The following SNX29 variants were observed in gnomAD, a reference collection of about 807,000 sequenced individuals.
SNX29 encodes the protein sorting nexin-29.
In SNX29, 78 loss-of-function variants were observed where a neutral mutation model predicts 102.1. That is an observed-to-expected ratio of 0.76 (90% CI 0.64 to 0.92). The LOEUF (loss-of-function observed/expected upper bound fraction) is 0.92. SNX29 is among the 40% of genes least tolerant of loss of function. The pLI is 0.00. For synonymous variants in SNX29, 580 were observed against 414.5 expected, an observed-to-expected ratio of 1.40 and a Z score of -4.85; for missense variants, 1,280 against 1,061.7, an observed-to-expected ratio of 1.21 and a Z score of -2.86.
chr16:12,125,775 T>G (rs978672554), intron 11 of SNX29, among the ~76,000 whole-genome samples: 1 of 152,052 alleles, frequency 6.6e-6, no homozygotes, highest in Non-Finnish European at 1.5e-5. Context: ...TTAAGGCTAC[T>G]TGAGGCAGTA....
At chr16:12,031,183 G>A (rs113530536) in intron 4 of SNX29, among the ~76,000 whole-genome samples, 1 of 151,742 alleles carries the variant, frequency 6.6e-6, no homozygotes, top group East Asian at 1.9e-4. Flanking sequence ...GGTGATTCTC[G>A]TGTCTTGGCC....
chr16:12,568,954 C>A lies in SNX29; in HGVS notation c.*325C>A, dbSNP rs902396496. The A allele has an allele frequency of 1.8e-5, 7 of 387,556 alleles. No homozygotes were observed. Among genetic ancestry groups the A allele is most frequent in the African/African-American group, 1.0e-4 (5 of 49,408 alleles). 24.0% of individuals were successfully genotyped at this position (387,556 alleles called of 1,614,324 possible). On this transcript the variant is annotated 3_prime_UTR_variant, in exon 21 of 21. Transcript: ENST00000566228. ...GCTGGCAGGAGGGTGGGCACCAGGT[C>A]AGGCTGGGTGCGCCATGGTTGAGAG...
chr16:12,033,618 T>C (rs1273668931), intron 4 of SNX29, among the ~76,000 whole-genome samples: 1 of 151,602 alleles, frequency 6.6e-6, no homozygotes, highest in Non-Finnish European at 1.5e-5. Flanking sequence ...TTCTTTTTTT[T>C]TTTTTTTGAG....
At position 12,571,795 on chromosome 16, in the gene SNX29, A is replaced by G. The variant is rs1050473479; in HGVS notation, c.*3166A>G. The G allele has an allele frequency of 2.0e-6, 2 of 1,012,526 alleles. No individual in the cohort carries two copies. The highest frequency in any genetic ancestry group is 2.4e-6 in the Non-Finnish European group (2 of 832,498). 62.7% of individuals were successfully genotyped at this position (1,012,526 alleles called of 1,614,324 possible). A position where few individuals can be genotyped will look rare whatever the true frequency, so the allele number is the denominator to read the frequency against. Reference sequence around the variant, plus strand: ...GAACCTTCTCCGCCACTCTTCCTGCAATCAGTGTGAAATTCCAGCTTCTTT... The same window carrying G: ...GAACCTTCTCCGCCACTCTTCCTGCGATCAGTGTGAAATTCCAGCTTCTTT... On this transcript the variant is annotated 3_prime_UTR_variant, in exon 21 of 21. Transcript: ENST00000566228.
At chr16:12,156,042 CTT>C (rs1173030674) in intron 13 of SNX29, among the ~76,000 whole-genome samples, 3 of 152,246 alleles carry the variant, frequency 2.0e-5, no homozygotes, top group Non-Finnish European at 4.4e-5. Context: ...ATATTGGTCT[CTT>C]TGCTGTTCCT....
At chr16:12,143,250 G>C (rs1567245307) in intron 13 of SNX29, among the ~76,000 whole-genome samples, 1 of 152,084 alleles carries the variant, frequency 6.6e-6, no homozygotes, top group Non-Finnish European at 1.5e-5. Context: ...GTCCACCTCG[G>C]CCTCCCAAAG....
chr16:12,212,547 A>G (rs1226996057), intron 14 of SNX29, among the ~76,000 whole-genome samples: 1 of 152,212 alleles, frequency 6.6e-6, no homozygotes, highest in Non-Finnish European at 1.5e-5. Context: ...AGCTCACGGA[A>G]TAAGTTGCCA....
chr16:12,510,651 C>T (rs968272666), intron 19 of SNX29, among the ~76,000 whole-genome samples: 5 of 151,646 alleles, frequency 3.3e-5, no homozygotes, highest in South Asian at 2.1e-4. Flanking sequence ...CCAGCCTGGG[C>T]GACAGAGTGA....
chr16:12,001,502 A>G (rs2056286655), intron 2 of SNX29, among the ~76,000 whole-genome samples: 1 of 152,140 alleles, frequency 6.6e-6, no homozygotes, highest in African/African-American at 2.4e-5. Context: ...TCAAAAATAA[A>G]CTTTATTGAT....
At chr16:12,436,728 A>C (rs187583634) in intron 18 of SNX29, among the ~76,000 whole-genome samples, 106 of 152,344 alleles carry the variant, frequency 7.0e-4, no homozygotes, top group African/African-American at 2.4e-3. Context: ...ACAGTGGCTC[A>C]CTGCAACCTC....
intron 20 of SNX29, chr16:12,561,261 A>G (rs2078708561): frequency 4.3e-6 from 1 of 230,026 alleles, no homozygotes; most frequent in Non-Finnish European, 8.6e-6. Context: ...CACTCCACAG[A>G]TCCAAGGGGC....
At chr16:12,495,533 G>A (rs1387279638) in intron 19 of SNX29, among the ~76,000 whole-genome samples, 1 of 152,090 alleles carries the variant, frequency 6.6e-6, no homozygotes, top group African/African-American at 2.4e-5. Flanking sequence ...TTCTTTCTTT[G>A]CCCCTTATTT....
At chr16:12,374,004 C>A (rs536973505) in intron 16 of SNX29, 9 of 152,328 alleles carry the variant, frequency 5.9e-5, no homozygotes, top group Admixed American at 2.6e-4. Context: ...TCAGCAGTGG[C>A]TGTTGGAATA....
intron 15 of SNX29, among the ~76,000 whole-genome samples, chr16:12,329,295 A>AAAAAG (rs1555512152): frequency 6.7e-6 from 1 of 148,340 alleles, no homozygotes. Context: ...AAAAAAAAAA[A>AAAAAG]GTGAAAAAAT....
intron 13 of SNX29, among the ~76,000 whole-genome samples, chr16:12,179,422 C>T (rs966191211): frequency 2.6e-5 from 4 of 152,230 alleles, no homozygotes; most frequent in African/African-American, 9.6e-5. Flanking sequence ...GAGTTGGAGG[C>T]TGAATGAGCC....
chr16:12,280,762 G>A lies in SNX29; in HGVS notation c.1782+2726G>A, dbSNP rs369332255. Among the ~76,000 whole-genome samples, 10 of 152,272 alleles carry A rather than the reference G, an allele frequency of 6.6e-5. No individual in the cohort carries two copies. In the South Asian group the frequency reaches 8.3e-4, roughly 13 times the overall value. On this transcript the variant is annotated intron_variant, in intron 15 of 20. Transcript: ENST00000566228. ...AATCGAGACCCTCAGAACGTTCTTT[G>A]TGATGCTTCTGTCATTCTGTTAATG...
At chr16:12,063,836 G>C (rs569512319) in intron 9 of SNX29, among the ~76,000 whole-genome samples, 1 of 151,656 alleles carries the variant, frequency 6.6e-6, no homozygotes, top group African/African-American at 2.4e-5. Flanking sequence ...CATGTTTGCA[G>C]GCCAGGCCAC....
At chr16:12,428,469 A>T (rs2085173937) in intron 18 of SNX29, among the ~76,000 whole-genome samples, 1 of 152,224 alleles carries the variant, frequency 6.6e-6, no homozygotes, top group African/African-American at 2.4e-5. Context: ...AAAATTCAGA[A>T]AATAAAGTTA....
At chr16:12,163,922 A>C (rs2055901195) in intron 13 of SNX29, among the ~76,000 whole-genome samples, 1 of 152,112 alleles carries the variant, frequency 6.6e-6, no homozygotes, top group Non-Finnish European at 1.5e-5. Flanking sequence ...TGGGGTGGGG[A>C]GAACTGAGAT....
Sources: gnomAD v4.1 joint callset for allele counts (sites outside exome capture counted in the v4.1 genomes callset) on GRCh38, gnomAD v4.1.1 for gene constraint, MANE v1.5 for transcripts, NCBI Gene and HGNC (gene_info 2026-07-23, HGNC 2026-07-21) for gene names.